Variants in TFPI observed in about 807,000 individuals in gnomAD.
The protein encoded by TFPI is anti-convertin.
TFPI carries 15 observed loss-of-function variants against 34.6 expected under a neutral mutation model. The ratio of observed to expected loss-of-function variants is 0.43; its 90% CI spans 0.29 to 0.67. The LOEUF is 0.67. TFPI is among the 30% of genes least tolerant of loss of function. The pLI, the probability that TFPI is intolerant of heterozygous loss-of-function variation, is 0.15. For synonymous variants in TFPI, 105 were observed against 120.1 expected, an observed-to-expected ratio of 0.87 and a Z score of 0.82; for missense variants, 301 against 364.0, an observed-to-expected ratio of 0.83 and a Z score of 1.41.
At chr2:187,552,543 T>G (rs375230023) in intron 1 of TFPI, among the ~76,000 whole-genome samples, 11 of 152,098 alleles carry the variant, frequency 7.2e-5, no homozygotes, top group East Asian at 1.9e-4. Flanking sequence ...CAAATGATAA[T>G]CATTTCCTTA....
chr2:187,481,769 A>G lies in TFPI; in HGVS notation c.628+2355T>C, dbSNP rs545581955. Among the ~76,000 whole-genome samples the G allele has an allele frequency of 3.3e-5, 5 of 152,130 alleles. No individual in the cohort carries two copies. In the East Asian group the frequency reaches 9.7e-4, roughly 29 times the overall value. On this transcript the variant is annotated intron_variant, in intron 6 of 7. Coordinates refer to ENST00000233156, the MANE Select transcript of TFPI (RefSeq NM_006287.6). ...GCCAATATATACAATCAAAAATAAA[A>G]CAGTTTTTTAGACAAATAAAGGAGA... is the stretch of plus-strand genomic sequence containing the variant.
At chr2:187,540,075 C>T (rs1482252342) in intron 1 of TFPI, among the ~76,000 whole-genome samples, 1 of 151,520 alleles carries the variant, frequency 6.6e-6, no homozygotes, top group African/African-American at 2.4e-5. Flanking sequence ...TTTTTGTTGT[C>T]GTATTTTAGT....
Position 187,465,512 on chromosome 2 carries a change from AAAAAAGAAAAG to A in TFPI, c.*1413_*1423del, listed in dbSNP as rs1691675219. On this transcript the variant is annotated 3_prime_UTR_variant, in exon 8 of 8. Transcript: ENST00000233156. ...AAAATGAAAAAAAAAAAAAAACAAG[AAAAAAGAAAAG>A]AAAAAGAAAAAAGTAAAAAGCCTAG... The A allele has an allele frequency of 1.4e-5, 2 of 147,160 alleles. No individual in the cohort carries two copies. Among genetic ancestry groups the A allele is most frequent in the Non-Finnish European group, 3.0e-5 (2 of 66,676 alleles). The allele number at this position is 147,160 out of a possible 1,614,324, so 9.1% of individuals were successfully genotyped here.
At chr2:187,504,799 A>G (rs1267382101) in intron 1 of TFPI, among the ~76,000 whole-genome samples, 1 of 152,136 alleles carries the variant, frequency 6.6e-6, no homozygotes, top group African/African-American at 2.4e-5. Flanking sequence ...TACTCCATCA[A>G]AAACAATCTA....
chr2:187,503,408 G>A (rs1685981190), intron 2 of TFPI, among the ~76,000 whole-genome samples: 1 of 150,818 alleles, frequency 6.6e-6, no homozygotes, highest in Non-Finnish European at 1.5e-5. Context: ...AAAGAGAGAA[G>A]TGTTTCAGCT....
rs1688227645 is a variant in TFPI, at chr2:187,535,966, T to A, written c.-3+18234A>T. The stretch of plus-strand genomic sequence containing the variant: ...AATACTATAAAAACCTCTAAGCAAA[T>A]AAACTAGAAAATCTAGAAGAAATGG... On this transcript the variant is annotated intron_variant, in intron 1 of 7. Transcript: ENST00000233156. 2.0e-5 allele frequency among the ~76,000 whole-genome samples: 3 copies of A among 151,956 alleles called. No homozygotes were observed. In the South Asian group the frequency reaches 6.2e-4, roughly 32 times the overall value.
chr2:187,511,502 G>A (rs1327485816), intron 1 of TFPI, among the ~76,000 whole-genome samples: 1 of 152,140 alleles, frequency 6.6e-6, no homozygotes, highest in Non-Finnish European at 1.5e-5. Context: ...CAGGCACAAA[G>A]TAAGCCCACC....
intron 1 of TFPI, among the ~76,000 whole-genome samples, chr2:187,548,299 A>G (rs1327270070): frequency 1.3e-5 from 2 of 152,028 alleles, no homozygotes; most frequent in Non-Finnish European, 2.9e-5. Context: ...TCCCCATGTG[A>G]AGTTTTATCT....
At chr2:187,523,703 C>G (rs1357089905) in intron 1 of TFPI, among the ~76,000 whole-genome samples, 1 of 152,126 alleles carries the variant, frequency 6.6e-6, no homozygotes, top group African/African-American at 2.4e-5. Flanking sequence ...ATATTTTCCT[C>G]TAAAAATTCT....
intron 6 of TFPI, chr2:187,478,770 T>C (rs7586970): frequency 0.3 from 477,683 of 1,612,272 alleles, 72,590 homozygotes; most frequent in Middle Eastern, 0.39. Flanking sequence ...ATGAGCCGCA[T>C]TCTTCCAACC....
At chr2:187,490,838 A>G (rs1380461848) in intron 3 of TFPI, among the ~76,000 whole-genome samples, 1 of 151,642 alleles carries the variant, frequency 6.6e-6, no homozygotes, top group Non-Finnish European at 1.5e-5. Flanking sequence ...CTGTAATTGA[A>G]TATTTTAATA....
At chr2:187,479,137 T>G (rs2105986814) in intron 6 of TFPI, among the ~76,000 whole-genome samples, 1 of 152,128 alleles carries the variant, frequency 6.6e-6, no homozygotes, top group East Asian at 1.9e-4. Context: ...GAGTGAGTAA[T>G]TTGTGTTTAA....
intron 1 of TFPI, among the ~76,000 whole-genome samples, chr2:187,504,756 T>C (rs1410351852): frequency 6.6e-6 from 1 of 152,104 alleles, no homozygotes; most frequent in Non-Finnish European, 1.5e-5. Flanking sequence ...AAGCGAGATC[T>C]TATCAGCAAA....
intron 1 of TFPI, 36 bp from the exon 2 acceptor site, chr2:187,503,806 AGTGTT>A: frequency 1.9e-6 from 3 of 1,604,930 alleles, no homozygotes; most frequent in Non-Finnish European, 2.6e-6. Flanking sequence ...TAATAAATAA[AGTGTT>A]AATATGCACT....
At chr2:187,550,091 A>G (rs1437874841) in intron 1 of TFPI, among the ~76,000 whole-genome samples, 1 of 152,130 alleles carries the variant, frequency 6.6e-6, no homozygotes, top group Non-Finnish European at 1.5e-5. Flanking sequence ...CAAAGCAGAC[A>G]GTCTCAGGAG....
chr2:187,553,242 C>A (rs965995451), intron 1 of TFPI, among the ~76,000 whole-genome samples: 1 of 152,038 alleles, frequency 6.6e-6, no homozygotes, highest in Non-Finnish European at 1.5e-5. Flanking sequence ...TGAAATATGA[C>A]TCTCTGGGCA....
At chr2:187,523,104 T>G (rs1687495000) in intron 1 of TFPI, among the ~76,000 whole-genome samples, 1 of 152,078 alleles carries the variant, frequency 6.6e-6, no homozygotes, top group Non-Finnish European at 1.5e-5. Context: ...CACATATTAC[T>G]GTCTAAAATT....
At chr2:187,509,482 TA>T (rs1686467024) in intron 1 of TFPI, among the ~76,000 whole-genome samples, 1 of 152,184 alleles carries the variant, frequency 6.6e-6, no homozygotes, top group African/African-American at 2.4e-5. Context: ...CAGAACTTGT[TA>T]TTGGTCTATT....
At chr2:187,548,799 G>C (rs1233356824) in intron 1 of TFPI, among the ~76,000 whole-genome samples, 1 of 151,978 alleles carries the variant, frequency 6.6e-6, no homozygotes, top group Non-Finnish European at 1.5e-5. Flanking sequence ...ACCACATATA[G>C]AAAAACAGAT....
Sources: gnomAD v4.1 joint callset for allele counts (sites outside exome capture counted in the v4.1 genomes callset) on GRCh38, gnomAD v4.1.1 for gene constraint, MANE v1.5 for transcripts, NCBI Gene and HGNC (gene_info 2026-07-23, HGNC 2026-07-21) for gene names.